The following SNTB1 variants were observed in gnomAD, a reference collection of about 807,000 sequenced individuals.
SNTB1 encodes the protein syntrophin beta 1, also known as beta-1-syntrophin.
Under a neutral mutation model 48.9 loss-of-function variants are expected in SNTB1, and 36 were observed. That is an observed-to-expected ratio of 0.74 (90% confidence interval 0.56 to 0.97). The LOEUF is 0.97. SNTB1 is among the 50% of genes least tolerant of loss of function. The probability of loss-of-function intolerance (pLI) is 0.00; values close to 1 mark genes in which losing one functional copy is unlikely to be tolerated. For synonymous variants in SNTB1, 299 were observed against 294.6 expected, an observed-to-expected ratio of 1.01 and a Z score of -0.15; for missense variants, 786 against 703.4, an observed-to-expected ratio of 1.12 and a Z score of -1.33.
chr8:120,743,299 A>G (rs1214684209), intron 1 of SNTB1, among the ~76,000 whole-genome samples: 1 of 152,208 alleles, frequency 6.6e-6, no homozygotes, highest in African/African-American at 2.4e-5. Context: ...GTGTTTTATT[A>G]TCATTTGGGG....
intron 3 of SNTB1, among the ~76,000 whole-genome samples, chr8:120,596,805 G>C (rs10089944): frequency 6.6e-6 from 1 of 151,998 alleles, no homozygotes; most frequent in Admixed American, 6.6e-5. Flanking sequence ...TCAGGAAAGC[G>C]TCTTTTCTTT....
intron 2 of SNTB1, among the ~76,000 whole-genome samples, chr8:120,653,629 C>G (rs1817445342): frequency 6.6e-6 from 1 of 152,114 alleles, no homozygotes; most frequent in Non-Finnish European, 1.5e-5. Flanking sequence ...ATAGCAGAAC[C>G]AGGACTGCAC....
intron 2 of SNTB1, among the ~76,000 whole-genome samples, chr8:120,678,616 A>G (rs1283780903): frequency 2.6e-5 from 4 of 152,244 alleles, no homozygotes; most frequent in Non-Finnish European, 5.9e-5. Flanking sequence ...ACAGGAAGCT[A>G]TAAATACTGA....
At chr8:120,692,825 A>G (rs1379474043) in intron 2 of SNTB1, among the ~76,000 whole-genome samples, 1 of 152,198 alleles carries the variant, frequency 6.6e-6, no homozygotes, top group African/African-American at 2.4e-5. Context: ...CATTAATAAG[A>G]AATATTACTA....
At chr8:120,649,308 T>C (rs1443164492) in intron 2 of SNTB1, among the ~76,000 whole-genome samples, 2 of 148,366 alleles carry the variant, frequency 1.3e-5, no homozygotes, top group Non-Finnish European at 3.0e-5. Context: ...TTATCTACTT[T>C]TGGTCTTTGA....
intron 3 of SNTB1, 116 bp from the exon 4 acceptor site, chr8:120,575,341 T>C (rs1815934396): frequency 2.5e-6 from 3 of 1,199,214 alleles, no homozygotes; most frequent in East Asian, 2.3e-5. Flanking sequence ...TTTGGTTTGG[T>C]TGCAAAATCA....
At chr8:120,703,661 T>G (rs940309651) in intron 1 of SNTB1, among the ~76,000 whole-genome samples, 2 of 152,154 alleles carry the variant, frequency 1.3e-5, no homozygotes, top group Non-Finnish European at 2.9e-5. Flanking sequence ...TGTCATAACT[T>G]CATTTTGCCA....
chr8:120,651,032 G>A (rs962396689), intron 2 of SNTB1, among the ~76,000 whole-genome samples: 1 of 152,142 alleles, frequency 6.6e-6, no homozygotes, highest in Non-Finnish European at 1.5e-5. Flanking sequence ...TTATTGAAAC[G>A]ATGAAATGAA....
chr8:120,614,187 C>T (rs866775448), intron 3 of SNTB1, among the ~76,000 whole-genome samples: 6 of 152,148 alleles, frequency 3.9e-5, no homozygotes, highest in Admixed American at 3.9e-4. Context: ...GTTATTTATC[C>T]TTTCTGTGTC....
chr8:120,735,274 G>A (rs1249050734), intron 1 of SNTB1, among the ~76,000 whole-genome samples: 1 of 152,094 alleles, frequency 6.6e-6, no homozygotes. Flanking sequence ...AAGGGGACCT[G>A]GAGCCCTGAA....
intron 2 of SNTB1, among the ~76,000 whole-genome samples, chr8:120,653,895 C>T (rs1379130267): frequency 1.3e-5 from 2 of 151,208 alleles, no homozygotes; most frequent in Non-Finnish European, 3.0e-5. Context: ...AAAAATTAGC[C>T]GGGCATTGTG....
At chr8:120,692,886 A>G (rs1457703102) in intron 2 of SNTB1, among the ~76,000 whole-genome samples, 1 of 152,176 alleles carries the variant, frequency 6.6e-6, no homozygotes, top group Non-Finnish European at 1.5e-5. Context: ...TACATGGTGC[A>G]TTGATTTATT....
intron 2 of SNTB1, among the ~76,000 whole-genome samples, chr8:120,647,067 T>A (rs1199638740): frequency 7.0e-6 from 1 of 142,632 alleles, no homozygotes; most frequent in Non-Finnish European, 1.5e-5. Flanking sequence ...TTCTTCTTTA[T>A]TAGTCTTGCT....
At chr8:120,556,207 G>T (rs1406890963) in intron 4 of SNTB1, among the ~76,000 whole-genome samples, 1 of 152,168 alleles carries the variant, frequency 6.6e-6, no homozygotes, top group Non-Finnish European at 1.5e-5. Flanking sequence ...CAGTTTTGGG[G>T]AGACTCATTG....
At chr8:120,719,950 A>T (rs1818630568) in intron 1 of SNTB1, among the ~76,000 whole-genome samples, 1 of 152,252 alleles carries the variant, frequency 6.6e-6, no homozygotes, top group Non-Finnish European at 1.5e-5. Context: ...TTGTAAAATG[A>T]CTTCAAACTG....
chr8:120,715,402 A>T (rs1346672685), intron 1 of SNTB1, among the ~76,000 whole-genome samples: 2 of 152,200 alleles, frequency 1.3e-5, no homozygotes, highest in Non-Finnish European at 2.9e-5. Flanking sequence ...GTTCTCATCA[A>T]AAAGTGAGGC....
In SNTB1 at chr8:120,777,358, G is replaced by T. The variant is rs527833651; in HGVS notation, c.571+33915C>A. 2.6e-5 allele frequency among the ~76,000 whole-genome samples: 4 copies of T among 152,202 alleles called. No individual in the cohort carries two copies. In the East Asian group the frequency reaches 7.7e-4, roughly 29 times the overall value. On this transcript the variant is annotated intron_variant, in intron 1 of 6. Coordinates refer to ENST00000517992, the MANE Select transcript of SNTB1 (RefSeq NM_021021.4). ...ATTGCTCTCAAAGCTCCATTTTTCA[G>T]CCAATGCCTCCTGCTAGATTTACCC...
intron 1 of SNTB1, among the ~76,000 whole-genome samples, chr8:120,787,805 T>G (rs1390873710): frequency 6.6e-6 from 1 of 152,172 alleles, no homozygotes; most frequent in Admixed American, 6.5e-5. Context: ...GAAACCTATT[T>G]GAGGGAATGA....
intron 4 of SNTB1, among the ~76,000 whole-genome samples, chr8:120,565,472 G>T (rs947487828): frequency 1.3e-5 from 2 of 152,212 alleles, no homozygotes; most frequent in African/African-American, 4.8e-5. Flanking sequence ...GAGCCAGGTT[G>T]TCAGTTTCCA....
Sources: allele counts gnomAD v4.1 joint callset (sites outside exome capture counted in the v4.1 genomes callset), GRCh38; gene constraint gnomAD v4.1.1; transcripts MANE v1.5; gene names NCBI Gene and HGNC (gene_info 2026-07-23, HGNC 2026-07-21).